FKBP9: variants seen among roughly 807,000 people sequenced by gnomAD.
FKBP9 encodes the protein peptidyl-prolyl cis-trans isomerase FKBP9.
A neutral mutation model predicts 55.6 loss-of-function variants in FKBP9; 27 were observed. The ratio of observed to expected loss-of-function variants is 0.49; its 90% confidence interval spans 0.36 to 0.67. The LOEUF (loss-of-function observed/expected upper bound fraction) is 0.67, where lower values mean the gene tolerates loss of function less well. FKBP9 is among the 30% of genes least tolerant of loss of function. The probability of loss-of-function intolerance (pLI) is 0.00; values close to 1 mark genes in which losing one functional copy is unlikely to be tolerated. For missense variants in FKBP9, 539 were observed against 742.8 expected, an observed-to-expected ratio of 0.73 and a Z score of 3.19; for synonymous variants, 267 against 296.5, an observed-to-expected ratio of 0.90 and a Z score of 1.02.
chr7:32,996,035 G>C, intron 6 of FKBP9, 128 bp from the exon 7 acceptor site: 1 of 689,990 alleles, frequency 1.4e-6, no homozygotes, highest in East Asian at 2.5e-5. Context: ...AGTCCTCCTA[G>C]GGTTCTGTAT....
intron 4 of FKBP9, chr7:32,979,378 C>G (rs1784426304): frequency 4.4e-6 from 3 of 685,756 alleles, no homozygotes; most frequent in Non-Finnish European, 7.9e-6. Flanking sequence ...AATATTCTAT[C>G]TCCCACGCAT....
rs1554285044 is a variant in FKBP9, at chr7:32,973,691, T to TTTG, written c.222-924_222-923insGTT. ...AATGAAGTTTTTTGTTGTTTTTTTT[T>TTTG]TTTTTTTTTTTTTTTTTGACACAGA... On this transcript the variant is annotated intron_variant, in intron 1 of 9. Transcript: ENST00000242209. Among the ~76,000 whole-genome samples the TTTG allele has an allele frequency of 3.9e-3, 324 of 84,024 alleles. 16 individuals carry two copies. Among genetic ancestry groups the TTTG allele is most frequent in the African/African-American group, 0.012 (219 of 18,952 alleles). The allele number at this position is 84,024 out of a possible 152,430, so 55.1% of individuals were successfully genotyped here.
intron 1 of FKBP9, among the ~76,000 whole-genome samples, chr7:32,967,238 A>T (rs1180258698): frequency 6.6e-6 from 1 of 152,156 alleles, no homozygotes; most frequent in Admixed American, 6.5e-5. Flanking sequence ...TTATTACTTT[A>T]AAAAAACCAT....
intron 4 of FKBP9, among the ~76,000 whole-genome samples, chr7:32,979,130 G>A (rs1235500404): frequency 5.3e-5 from 8 of 152,104 alleles, no homozygotes; most frequent in Admixed American, 3.3e-4. Context: ...TTAGCCAGGC[G>A]TGGTGGCAGG....
At position 32,975,010 on chromosome 7, in the gene FKBP9, T is replaced by G. The variant is rs1784331764; in HGVS notation, c.368-172T>G. 3 of 661,720 alleles carry G rather than the reference T, an allele frequency of 4.5e-6. No homozygotes were observed. The Admixed American group carries it at 8.8e-5, about 19-fold the overall frequency. 41.0% of individuals were successfully genotyped at this position (661,720 alleles called of 1,614,324 possible). On this transcript the variant is annotated intron_variant, in intron 2 of 9. Transcript: ENST00000242209. ...AAGAAGACTGTTTTTTCTCTTTTCT[T>G]TCAATTTCATTTGGAGGAAAGAGGG...
In FKBP9 at chr7:32,996,314, T is replaced by C. The variant is rs1339186433; in HGVS notation, c.1191T>C (p.Asn397=). The change falls in exon 7 of 10, where the codon AAT becomes AAC. Residue 397 remains asparagine, a synonymous_variant. Coordinates refer to ENST00000242209, the MANE Select transcript of FKBP9 (RefSeq NM_007270.5). ...KKGDYLKYHY[N]ASLLDGTLLD... is the part of the protein sequence containing the mutation. The stretch of plus-strand genomic sequence containing the variant: ...GAGATTACCTCAAATATCACTACAA[T>C]GCCTCACTTCTGGATGGGACCCTGC... The C allele has an allele frequency of 1.9e-6, 3 of 1,613,946 alleles. No homozygotes were observed. The African/African-American group carries it at 4.0e-5, about 22-fold the overall frequency.
At chr7:32,980,228 A>G (rs1352032947) in intron 4 of FKBP9, 136 bp from the exon 5 acceptor site, 1 of 732,324 alleles carries the variant, frequency 1.4e-6, no homozygotes, top group Non-Finnish European at 2.2e-6. Context: ...GGGCCCATTC[A>G]AGACCTGGAA....
At chr7:32,969,576 T>C (rs1449437474) in intron 1 of FKBP9, among the ~76,000 whole-genome samples, 1 of 152,160 alleles carries the variant, frequency 6.6e-6, no homozygotes, top group East Asian at 1.9e-4. Context: ...TCTATTGGTC[T>C]ATGTGTCTGT....
chr7:33,004,350 C>T (rs1239134878), intron 9 of FKBP9, among the ~76,000 whole-genome samples: 1 of 152,134 alleles, frequency 6.6e-6, no homozygotes, highest in African/African-American at 2.4e-5. Context: ...AGACCCTGCA[C>T]TTTCTGCTCG....
chr7:32,962,372 C>T (rs1399597872), intron 1 of FKBP9, among the ~76,000 whole-genome samples: 1 of 152,176 alleles, frequency 6.6e-6, no homozygotes, highest in East Asian at 1.9e-4. Flanking sequence ...ACAGCCTGGG[C>T]AACGAGAGCT....
At chr7:32,965,036 C>A (rs1388379056) in intron 1 of FKBP9, among the ~76,000 whole-genome samples, 1 of 152,248 alleles carries the variant, frequency 6.6e-6, no homozygotes, top group Non-Finnish European at 1.5e-5. Flanking sequence ...TGAGACAGGA[C>A]CAACTTTGAG....
At chr7:32,961,470 G>C (rs1784022916) in intron 1 of FKBP9, among the ~76,000 whole-genome samples, 1 of 152,136 alleles carries the variant, frequency 6.6e-6, no homozygotes, top group South Asian at 2.1e-4. Flanking sequence ...ACTGGTCTGA[G>C]GACCACACTT....
intron 7 of FKBP9, among the ~76,000 whole-genome samples, chr7:32,996,716 CTCT>C (rs1459567015): frequency 2.1e-5 from 2 of 95,118 alleles, no homozygotes; most frequent in East Asian, 3.5e-4. Flanking sequence ...CTCTCTTTCT[CTCT>C]TTTTTTCCTT....
rs1466193662 is a variant in FKBP9, at chr7:32,975,460, A to ATC, written c.557+90_557+91insCT. On this transcript the variant is annotated intron_variant, in intron 3 of 9. Transcript: ENST00000242209. ...TTACTTGCTTTTTATGCTGATGGGG[A>ATC]TACCAGAATAAGGACTCTTCTCAAC... The ATC allele has an allele frequency of 7.4e-4, 769 of 1,040,316 alleles. 7 individuals carry two copies. The African/African-American group carries it at 0.012, about 16-fold the overall frequency. The allele number at this position is 1,040,316 out of a possible 1,614,324, so 64.4% of individuals were successfully genotyped here.
intron 6 of FKBP9, among the ~76,000 whole-genome samples, chr7:32,991,553 T>C (rs1784683638): frequency 6.6e-6 from 1 of 152,136 alleles, no homozygotes; most frequent in African/African-American, 2.4e-5. Flanking sequence ...TGTGAATGTT[T>C]GGCAAATATT....
intron 7 of FKBP9, among the ~76,000 whole-genome samples, chr7:32,996,645 C>G (rs1784795000): frequency 6.8e-6 from 1 of 147,756 alleles, no homozygotes; most frequent in Non-Finnish European, 1.5e-5. Flanking sequence ...TTCCTTCCTT[C>G]CTTCCTTCCT....
At position 33,005,171 on chromosome 7, in the gene FKBP9, C is replaced by T; in HGVS notation, c.1537-4C>T. 2 of 1,612,536 alleles carry T rather than the reference C, an allele frequency of 1.2e-6. No individual in the cohort carries two copies. The highest frequency in any genetic ancestry group is 1.1e-5 in the South Asian group (1 of 90,996). On this transcript the variant is annotated splice_polypyrimidine_tract_variant and splice_region_variant and intron_variant, in intron 9 of 9. Coordinates refer to ENST00000242209, the MANE Select transcript of FKBP9 (RefSeq NM_007270.5). ...ATGGTCTTTCCTGTCCCCTTCTTTT[C>T]CAGTTCTCAGAGTACATTCACGCCC...
intron 5 of FKBP9, 52 bp from the exon 6 acceptor site, chr7:32,988,455 T>G: frequency 6.3e-7 from 1 of 1,597,300 alleles, no homozygotes; most frequent in South Asian, 1.1e-5. Context: ...TTTGCACAGC[T>G]GCTGTGGAGG....
intron 5 of FKBP9, among the ~76,000 whole-genome samples, chr7:32,987,201 G>A (rs1784595926): frequency 6.6e-6 from 1 of 152,090 alleles, no homozygotes; most frequent in Non-Finnish European, 1.5e-5. Context: ...CTGGCGATCG[G>A]AATCTTCATG....
Sources: allele counts gnomAD v4.1 joint callset (sites outside exome capture counted in the v4.1 genomes callset), GRCh38; gene constraint gnomAD v4.1.1; transcripts MANE v1.5; gene names NCBI Gene and HGNC (gene_info 2026-07-23, HGNC 2026-07-21).